The following SDK1 variants were observed in gnomAD, a reference collection of about 807,000 sequenced individuals.
SDK1 encodes the protein sidekick cell adhesion molecule 1.
A neutral mutation model predicts 245.5 loss-of-function variants in SDK1; 157 were observed. The ratio of observed to expected loss-of-function variants is 0.64; its 90% CI spans 0.56 to 0.73. The LOEUF is 0.73. Ranked by LOEUF, SDK1 falls within the 30% of genes least tolerant of loss-of-function variation. The pLI is 0.00. For synonymous variants in SDK1, 1,647 were observed against 1,278.5 expected (o/e 1.29, Z -6.15); for missense variants, 3,583 against 3,002.3 (o/e 1.19, Z -4.52).
At chr7:3,756,663 A>T (rs1472103760) in intron 4 of SDK1, among the ~76,000 whole-genome samples, 1 of 151,628 alleles carries the variant, frequency 6.6e-6, no homozygotes, top group Non-Finnish European at 1.5e-5. Flanking sequence ...GCGTGTAGTC[A>T]TGTCTTCTTG....
intron 1 of SDK1, among the ~76,000 whole-genome samples, chr7:3,561,181 C>T (rs900660289): frequency 6.6e-6 from 1 of 152,176 alleles, no homozygotes; most frequent in Admixed American, 6.5e-5. Flanking sequence ...TTTGCTTCAT[C>T]CTGATCTGTC....
chr7:3,675,285 AG>A (rs1313882431), intron 4 of SDK1, among the ~76,000 whole-genome samples: 1 of 152,244 alleles, frequency 6.6e-6, no homozygotes, highest in Non-Finnish European at 1.5e-5. Context: ...TCCAACATTT[AG>A]CTGTTTTCAC....
chr7:4,045,938 A>C (rs1263168631), intron 17 of SDK1, among the ~76,000 whole-genome samples: 1 of 151,920 alleles, frequency 6.6e-6, no homozygotes, highest in African/African-American at 2.4e-5. Flanking sequence ...TTTTCTGCAT[A>C]GTAGGTTTTT....
At chr7:4,242,873 C>T (rs1305483315) in intron 43 of SDK1, among the ~76,000 whole-genome samples, 2 of 152,210 alleles carry the variant, frequency 1.3e-5, no homozygotes, top group Non-Finnish European at 2.9e-5. Flanking sequence ...TTAGATCACT[C>T]GGGTGGCGCC....
At chr7:4,081,211 G>C (rs1781035668) in intron 22 of SDK1, among the ~76,000 whole-genome samples, 1 of 152,176 alleles carries the variant, frequency 6.6e-6, no homozygotes, top group South Asian at 2.1e-4. Flanking sequence ...GCTCATCTGT[G>C]CATCCAGGCA....
intron 4 of SDK1, among the ~76,000 whole-genome samples, chr7:3,731,741 A>G (rs1033103086): frequency 6.6e-6 from 1 of 152,212 alleles, no homozygotes; most frequent in African/African-American, 2.4e-5. Flanking sequence ...ATTTAGGAAG[A>G]AGGAGAAAAA....
At position 4,123,161 on chromosome 7, in the gene SDK1, G is replaced by A. The variant is rs145561499; in HGVS notation, c.3824-4220G>A. Among the ~76,000 whole-genome samples, 197 of 152,286 alleles carry A rather than the reference G, an allele frequency of 1.3e-3. 1 individual carries two copies. Among genetic ancestry groups the A allele is most frequent in the Non-Finnish European group, 2.4e-3 (164 of 68,028 alleles). The stretch of plus-strand genomic sequence containing the variant: ...ATTGGGCACTCACAGTTTCCCACAG[G>A]AAGCAGTTAAAGATTACAGAAGTAG... On this transcript the variant is annotated intron_variant, in intron 25 of 44. Coordinates refer to ENST00000404826, the MANE Select transcript of SDK1 (RefSeq NM_152744.4).
chr7:3,647,283 A>G (rs1177549655), intron 4 of SDK1, among the ~76,000 whole-genome samples: 1 of 152,100 alleles, frequency 6.6e-6, no homozygotes, highest in African/African-American at 2.4e-5. Flanking sequence ...CACGATTTTA[A>G]TTGTCTTTTT....
intron 4 of SDK1, among the ~76,000 whole-genome samples, chr7:3,696,547 T>C (rs1241300841): frequency 6.9e-6 from 1 of 145,764 alleles, no homozygotes; most frequent in Non-Finnish European, 1.5e-5. Context: ...TTTCTCTTTC[T>C]CACAGAGCTT....
chr7:3,612,963 T>A (rs1781649885), intron 1 of SDK1, among the ~76,000 whole-genome samples: 1 of 151,924 alleles, frequency 6.6e-6, no homozygotes, highest in Admixed American at 6.6e-5. Context: ...GGAGGTTGAT[T>A]ATTTCTTTAT....
chr7:4,086,080 G>A (rs1005313716), intron 22 of SDK1, among the ~76,000 whole-genome samples: 1 of 152,048 alleles, frequency 6.6e-6, no homozygotes, highest in Non-Finnish European at 1.5e-5. Flanking sequence ...ACAGCTCTGC[G>A]TATATGTGTA....
intron 4 of SDK1, among the ~76,000 whole-genome samples, chr7:3,649,418 A>G (rs756856170): frequency 2.6e-5 from 4 of 151,954 alleles, no homozygotes; most frequent in East Asian, 1.9e-4. Flanking sequence ...TGCTGTTGGT[A>G]TGCATTCCTG....
At chr7:3,442,877 C>T (rs1780235596) in intron 1 of SDK1, among the ~76,000 whole-genome samples, 1 of 152,142 alleles carries the variant, frequency 6.6e-6, no homozygotes, top group Non-Finnish European at 1.5e-5. Flanking sequence ...TCTGTCTCTT[C>T]CATTCCCTCC....
chr7:4,163,343 G>A (rs868529613), intron 32 of SDK1, among the ~76,000 whole-genome samples: 4 of 152,210 alleles, frequency 2.6e-5, no homozygotes, highest in African/African-American at 9.6e-5. Context: ...TGGGAATGAT[G>A]GTTCGGGAAG....
chr7:3,733,301 T>G (rs1310349402), intron 4 of SDK1, among the ~76,000 whole-genome samples: 1 of 152,252 alleles, frequency 6.6e-6, no homozygotes, highest in African/African-American at 2.4e-5. Context: ...AAACAGATAC[T>G]ATAATTGGGA....
intron 1 of SDK1, among the ~76,000 whole-genome samples, chr7:3,348,479 G>A (rs547807625): frequency 6.4e-5 from 9 of 140,678 alleles, no homozygotes; most frequent in African/African-American, 1.3e-4. Flanking sequence ...ACATGTTCTC[G>A]TAAGGGAGAA....
chr7:3,966,266 T>A (rs1428943995), intron 9 of SDK1, among the ~76,000 whole-genome samples: 1 of 152,060 alleles, frequency 6.6e-6, no homozygotes, highest in African/African-American at 2.4e-5. Context: ...TCCATGGGAT[T>A]CTCAGCAGGT....
At chr7:4,007,389 A>G (rs955042150) in intron 14 of SDK1, among the ~76,000 whole-genome samples, 1 of 152,032 alleles carries the variant, frequency 6.6e-6, no homozygotes, top group East Asian at 1.9e-4. Flanking sequence ...CCCAGTGAGG[A>G]AGAAAGAGCC....
chr7:3,777,016 C>A (rs1161993538), intron 4 of SDK1, among the ~76,000 whole-genome samples: 1 of 152,186 alleles, frequency 6.6e-6, no homozygotes, highest in African/African-American at 2.4e-5. Context: ...TCTTCTGCCC[C>A]AGCGCCTCAG....
Sources: gnomAD v4.1 joint callset for allele counts (sites outside exome capture counted in the v4.1 genomes callset) on GRCh38, gnomAD v4.1.1 for gene constraint, MANE v1.5 for transcripts, NCBI Gene and HGNC (gene_info 2026-07-23, HGNC 2026-07-21) for gene names.